NRXN1: variants seen among roughly 807,000 people sequenced by gnomAD.
NRXN1 encodes the protein neurexin-1.
Under a neutral mutation model 150.9 loss-of-function variants are expected in NRXN1, and 39 were observed. The observed-to-expected ratio is 0.26, with a 90% CI of 0.20 to 0.34. The LOEUF is 0.34. Ranked by LOEUF, NRXN1 falls within the 10% of genes least tolerant of loss-of-function variation. NRXN1 has a pLI of 1.00. For synonymous variants in NRXN1, 924 were observed against 757.0 expected (o/e 1.22, Z -3.62); for missense variants, 1,815 against 1,949.9 (o/e 0.93, Z 1.30).
chr2:50,013,703 C>G (rs897984469), intron 21 of NRXN1, among the ~76,000 whole-genome samples: 11 of 152,062 alleles, frequency 7.2e-5, no homozygotes, highest in African/African-American at 2.7e-4. Flanking sequence ...TGGTGGAAAA[C>G]GTTTTTAAAT....
At chr2:50,202,269 G>C (rs1442589795) in intron 18 of NRXN1, among the ~76,000 whole-genome samples, 1 of 152,226 alleles carries the variant, frequency 6.6e-6, no homozygotes, top group Non-Finnish European at 1.5e-5. Context: ...CACTTTTGGA[G>C]GCAGAGGCAG....
intron 18 of NRXN1, among the ~76,000 whole-genome samples, chr2:50,127,257 T>C (rs956353475): frequency 2.0e-4 from 30 of 152,094 alleles, no homozygotes; most frequent in African/African-American, 7.2e-4. Flanking sequence ...AAAATTAAAA[T>C]ATGTTCTCTA....
At position 50,009,182 on chromosome 2, in the gene NRXN1, T is replaced by C. The variant is rs1444610386; in HGVS notation, c.4128+44089A>G. 5.9e-5 allele frequency among the ~76,000 whole-genome samples: 9 copies of C among 152,166 alleles called. No individual in the cohort carries two copies. In the South Asian group the frequency reaches 1.2e-3, roughly 21 times the overall value. Reference sequence around the variant, plus strand: ...GATATATTTGGACTAGACTTTACCATGGCTATGGGACCTGCTATAGTTCTT... The same window carrying C: ...GATATATTTGGACTAGACTTTACCACGGCTATGGGACCTGCTATAGTTCTT... On this transcript the variant is annotated intron_variant, in intron 21 of 22. Transcript: ENST00000401669.
At chr2:50,195,470 G>A (rs1190695417) in intron 18 of NRXN1, among the ~76,000 whole-genome samples, 3 of 152,098 alleles carry the variant, frequency 2.0e-5, no homozygotes, top group African/African-American at 4.8e-5. Context: ...CTGTTGTTGT[G>A]CATATTTATT....
intron 18 of NRXN1, among the ~76,000 whole-genome samples, chr2:50,180,190 T>TA (rs112003684): frequency 0.22 from 32,771 of 150,898 alleles, 4,133 homozygotes; most frequent in East Asian, 0.4. Flanking sequence ...TCTGGCTAAT[T>TA]TAAAAAAAAA....
Position 50,236,855 on chromosome 2 carries a change from C to G in NRXN1, c.3480G>C (p.Gln1160His). The change falls in exon 18 of 23, where the codon CAG becomes CAC. Residue 1160 changes from glutamine (Q) to histidine (H), a missense_variant. By Grantham distance (24) the Gln-to-His change is conservative. Coordinates refer to ENST00000401669, the MANE Select transcript of NRXN1 (RefSeq NM_001330078.2). ...DRLAIGFSTV[Q>H]KEAVLVRVDS... ...CCACTCGCACCAATACGGCTTCTTT[C>G]TGAACAGTGCTAAAACCTATGGCCA... The G allele has an allele frequency of 6.2e-7, 1 of 1,613,314 alleles. No homozygotes were observed. The highest frequency in any genetic ancestry group is 8.5e-7 in the Non-Finnish European group (1 of 1,179,636).
intron 5 of NRXN1, among the ~76,000 whole-genome samples, chr2:50,718,835 C>T (rs1559164546): frequency 6.6e-6 from 1 of 152,148 alleles, no homozygotes; most frequent in South Asian, 2.1e-4. Context: ...TCCTTCCCTC[C>T]CTTCCTCTCT....
chr2:50,405,701 A>G (rs1391943785), intron 17 of NRXN1, among the ~76,000 whole-genome samples: 1 of 152,102 alleles, frequency 6.6e-6, no homozygotes, highest in East Asian at 1.9e-4. Flanking sequence ...TGGGAATCAG[A>G]AGACTTATTT....
At chr2:50,933,531 G>A (rs780320980) in intron 2 of NRXN1, among the ~76,000 whole-genome samples, 1 of 152,050 alleles carries the variant, frequency 6.6e-6, no homozygotes, top group South Asian at 2.1e-4. Flanking sequence ...TTGTGTTACA[G>A]AGTTATAGGA....
At chr2:50,133,239 A>T (rs1438220817) in intron 18 of NRXN1, among the ~76,000 whole-genome samples, 1 of 115,192 alleles carries the variant, frequency 8.7e-6, no homozygotes, top group Non-Finnish European at 1.9e-5. Context: ...GATGTAGGGA[A>T]AGTGGCTGAG....
chr2:50,350,804 C>A (rs769060375), intron 17 of NRXN1, among the ~76,000 whole-genome samples: 1 of 151,996 alleles, frequency 6.6e-6, no homozygotes, highest in Non-Finnish European at 1.5e-5. Context: ...AAAGGATGGG[C>A]CAGAAATCTT....
intron 19 of NRXN1, among the ~76,000 whole-genome samples, chr2:50,056,212 G>C (rs1466996869): frequency 6.6e-6 from 1 of 152,016 alleles, no homozygotes; most frequent in African/African-American, 2.4e-5. Context: ...TGTTAGAGAA[G>C]ATAAATGAAT....
chr2:50,715,338 G>C (rs1695730144), intron 5 of NRXN1, among the ~76,000 whole-genome samples: 1 of 152,094 alleles, frequency 6.6e-6, no homozygotes, highest in African/African-American at 2.4e-5. Context: ...GTGCTTTCTA[G>C]TTGTGTGACA....
chr2:50,115,082 T>C (rs1392158853), intron 18 of NRXN1, among the ~76,000 whole-genome samples: 4 of 151,614 alleles, frequency 2.6e-5, no homozygotes, highest in Non-Finnish European at 5.9e-5. Flanking sequence ...GGGATGTTGA[T>C]GGTGGGGAGA....
intron 18 of NRXN1, among the ~76,000 whole-genome samples, chr2:50,157,842 T>C (rs2059119669): frequency 6.6e-6 from 1 of 151,680 alleles, no homozygotes. Flanking sequence ...AATGTGTTGC[T>C]TGGTAGGATG....
chr2:50,969,877 C>T (rs1000225531), intron 2 of NRXN1, among the ~76,000 whole-genome samples: 3 of 152,092 alleles, frequency 2.0e-5, no homozygotes, highest in African/African-American at 7.2e-5. Flanking sequence ...GGAATGAAGA[C>T]CCAAAGATAA....
intron 17 of NRXN1, among the ~76,000 whole-genome samples, chr2:50,303,950 T>A (rs1425082810): frequency 6.6e-6 from 1 of 152,160 alleles, no homozygotes; most frequent in Non-Finnish European, 1.5e-5. Flanking sequence ...CTAAGAATTA[T>A]AATCTAGAAA....
intron 5 of NRXN1, among the ~76,000 whole-genome samples, chr2:50,650,985 G>A (rs1198972118): frequency 6.6e-6 from 1 of 151,950 alleles, no homozygotes; most frequent in Non-Finnish European, 1.5e-5. Flanking sequence ...GTTTTTCAGT[G>A]GTTTCTGCTA....
chr2:50,719,832 A>T (rs971174587), intron 5 of NRXN1, among the ~76,000 whole-genome samples: 1 of 152,180 alleles, frequency 6.6e-6, no homozygotes, highest in Non-Finnish European at 1.5e-5. Flanking sequence ...CCTTAGGCCA[A>T]CTTTGCCTAC....
Sources: gnomAD v4.1 joint callset for allele counts (sites outside exome capture counted in the v4.1 genomes callset) on GRCh38, gnomAD v4.1.1 for gene constraint, MANE v1.5 for transcripts, NCBI Gene and HGNC (gene_info 2026-07-23, HGNC 2026-07-21) for gene names.